Variants in ZNF394 observed in about 807,000 individuals in gnomAD.
The protein encoded by ZNF394 is zinc finger protein 394.
A neutral mutation model predicts 21.8 loss-of-function variants in ZNF394; 19 were observed. The observed-to-expected ratio is 0.87, with a 90% CI of 0.61 to 1.28. The LOEUF (loss-of-function observed/expected upper bound fraction) is 1.28, where lower values mean the gene tolerates loss of function less well. Ranked by LOEUF, ZNF394 falls within the 50% of genes most tolerant of loss-of-function variation. The pLI is 0.00. For synonymous variants in ZNF394, 294 were observed against 273.3 expected, an observed-to-expected ratio of 1.08 and a Z score of -0.75; for missense variants, 683 against 708.6, an observed-to-expected ratio of 0.96 and a Z score of 0.41.
intron 2 of ZNF394, chr7:99,498,449 A>T: frequency 2.9e-6 from 1 of 340,776 alleles, no homozygotes; most frequent in African/African-American, 2.2e-5. Context: ...CCAAGTATTA[A>T]GATCTGATAA....
At chr7:99,488,930 C>CAAAAA (rs1182283444), downstream of ZNF394, among the ~76,000 whole-genome samples, 1 of 51,380 alleles carries the variant, frequency 1.9e-5, no homozygotes, top group Non-Finnish European at 4.0e-5. Flanking sequence ...GACTCCATCT[C>CAAAAA]AAAAAAAAAA....
chr7:99,493,787 C>A lies in ZNF394; in HGVS notation c.1428G>T (p.Lys476Asn). The A allele has an allele frequency of 2.5e-6, 4 of 1,614,180 alleles. No individual in the cohort carries two copies. Among genetic ancestry groups the A allele is most frequent in the Non-Finnish European group, 3.4e-6 (4 of 1,180,038 alleles). ...AGAGGTCAGAGCGCTGTTTGAAGCTCTTCTCGCATTCTTCACACTTATAGG... is the reference window on the plus strand; with the variant it reads ...AGAGGTCAGAGCGCTGTTTGAAGCTATTCTCGCATTCTTCACACTTATAGG... Reference protein sequence around the residue: ...ERPYKCEECEKSFKQRSDLFK... With the variant: ...ERPYKCEECENSFKQRSDLFK... Residue 476 changes from lysine to asparagine, a missense_variant, in exon 3 of 3, where the codon AAG (lysine) becomes AAT (asparagine). This residue lies in a region of ZNF394 where 274 missense variants were observed against 314.1 expected (regional missense o/e 0.87). Transcript: ENST00000337673.
downstream of ZNF394, among the ~76,000 whole-genome samples, chr7:99,490,630 T>G (rs1800142152): frequency 7.5e-6 from 1 of 132,858 alleles, no homozygotes; most frequent in South Asian, 3.6e-4. Flanking sequence ...AGACCTTTTT[T>G]TTTTTTTTTT....
intron 2 of ZNF394, among the ~76,000 whole-genome samples, chr7:99,496,009 C>T (rs1449451518): frequency 6.6e-6 from 1 of 152,146 alleles, no homozygotes; most frequent in African/African-American, 2.4e-5. Flanking sequence ...GCAACCTCCA[C>T]CTCCCAGGTT....
In ZNF394 at chr7:99,499,825, C is replaced by T. The variant is rs1800460161; in HGVS notation, c.269G>A (p.Arg90His). Residue 90 changes from arginine to histidine, a missense_variant, in exon 1 of 3, where the codon CGT (arginine) becomes CAT (histidine). Around this residue, in one of 3 missense-constraint regions of ZNF394, gnomAD observed 402 missense variants for 373.8 expected, o/e 1.08. Coordinates refer to ENST00000337673, the MANE Select transcript of ZNF394 (RefSeq NM_032164.4). ...EALSRLRELC[R>H]RWLRPELLSK... Reference sequence around the variant, plus strand: ...GAGCAGCTCGGGTCTCAGCCACCGACGACAGAGTTCTCGGAGCCGGCTCAG... The same window carrying T: ...GAGCAGCTCGGGTCTCAGCCACCGATGACAGAGTTCTCGGAGCCGGCTCAG... 5.0e-6 allele frequency: 8 copies of T among 1,614,086 alleles called. No individual in the cohort carries two copies. Among genetic ancestry groups the T allele is most frequent in the African/African-American group, 1.3e-5 (1 of 74,946 alleles).
intron 2 of ZNF394, among the ~76,000 whole-genome samples, chr7:99,497,569 T>C (rs556305200): frequency 6.6e-6 from 1 of 152,090 alleles, no homozygotes; most frequent in African/African-American, 2.4e-5. Flanking sequence ...CTATTAATTA[T>C]AACAATATAC....
chr7:99,497,267 C>T (rs539378270), intron 2 of ZNF394, among the ~76,000 whole-genome samples: 1 of 150,642 alleles, frequency 6.6e-6, no homozygotes, highest in East Asian at 2.0e-4. Context: ...CTCCCAGGTT[C>T]AGGTTCACGC....
intron 2 of ZNF394, 83 bp downstream of exon 2, chr7:99,498,633 T>C (rs1197688206): frequency 6.3e-7 from 1 of 1,582,716 alleles, no homozygotes; most frequent in Non-Finnish European, 8.6e-7. Context: ...AGTCTGGGAA[T>C]GGCATAGTGG....
rs1285527600 is a variant in ZNF394, at chr7:99,497,155, T to TATATAA, written c.583+1560_583+1561insTTATAT. 3.5e-3 allele frequency among the ~76,000 whole-genome samples: 467 copies of TATATAA among 132,384 alleles called. 6 individuals are homozygous for TATATAA. Among genetic ancestry groups the TATATAA allele is most frequent in the South Asian group, 0.024 (91 of 3,740 alleles). 86.8% of individuals were successfully genotyped at this position (132,384 alleles called of 152,430 possible). On this transcript the variant is annotated intron_variant, in intron 2 of 2. Transcript: ENST00000337673. ...ATATATATATATGTATATATATATATAAAATGTTTTTTCTTTTTTTTTTGA... is the reference window on the plus strand; with the variant it reads ...ATATATATATATGTATATATATATATATATAAAAAATGTTTTTTCTTTTTTTTTTGA...
chr7:99,490,650 A>C (rs1420618179), downstream of ZNF394, among the ~76,000 whole-genome samples: 3 of 151,266 alleles, frequency 2.0e-5, no homozygotes, highest in Non-Finnish European at 4.4e-5. Flanking sequence ...TTAAAAAAAA[A>C]GATAGTTTGT....
In ZNF394 at chr7:99,493,459, G is replaced by A; in HGVS notation, c.*70C>T. On this transcript the variant is annotated 3_prime_UTR_variant, in exon 3 of 3. Transcript: ENST00000337673. ...TTTAGTAGAGACAGGATTTTACCAT[G>A]TTGGCCAGGCTGGTTTCAAACTCCT... 1 of 1,349,068 alleles carries A rather than the reference G, an allele frequency of 7.4e-7. No individual in the cohort carries two copies. The highest frequency in any genetic ancestry group is 1.4e-5 in the South Asian group (1 of 71,150). The allele number at this position is 1,349,068 out of a possible 1,614,324, so 83.6% of individuals were successfully genotyped here. A position where few individuals can be genotyped will look rare whatever the true frequency, so the allele number is the denominator to read the frequency against.
In ZNF394 at chr7:99,498,809, G is replaced by A; in HGVS notation, c.490C>T (p.Leu164=). 1.2e-6 allele frequency: 2 copies of A among 1,614,018 alleles called. No individual in the cohort carries two copies. The highest frequency in any genetic ancestry group is 8.5e-7 in the Non-Finnish European group (1 of 1,179,970). ...AGGCGCTCCCACTCCTCCCAGGTTA[G>A]AGACACAGCCGTGTCCTCGAAAGTC... is the stretch of plus-strand genomic sequence containing the variant. ...MVTFEDTAVS[L]TWEEWERLDP... The change falls in exon 2 of 3, where the codon CTA becomes TTA. Residue 164 remains leucine (L), a synonymous_variant. Coordinates refer to ENST00000337673, the MANE Select transcript of ZNF394 (RefSeq NM_032164.4).
At chr7:99,488,071 CAAAA>C (rs1180851983) in intron 1 of ZNF394, among the ~76,000 whole-genome samples, 12 of 68,222 alleles carry the variant, frequency 1.8e-4, no homozygotes, top group South Asian at 1.6e-3. Flanking sequence ...GACTCCGTCT[CAAAA>C]AAAAAAAAAA....
downstream of ZNF394, among the ~76,000 whole-genome samples, chr7:99,490,992 T>G (rs1336834942): frequency 6.6e-6 from 1 of 152,100 alleles, no homozygotes; most frequent in Non-Finnish European, 1.5e-5. Flanking sequence ...GCCCTGTGTT[T>G]GTCAGGGGCC....
At chr7:99,489,367 C>A (rs540903654), downstream of ZNF394, among the ~76,000 whole-genome samples, 2 of 152,024 alleles carry the variant, frequency 1.3e-5, no homozygotes, top group African/African-American at 4.8e-5. Flanking sequence ...TCTGGCCTTA[C>A]ACCTTCTGTG....
chr7:99,493,921 G>C lies in ZNF394; in HGVS notation c.1294C>G (p.His432Asp). 1 of 1,614,216 alleles carries C rather than the reference G, an allele frequency of 6.2e-7. No individual in the cohort carries two copies. The highest frequency in any genetic ancestry group is 8.5e-7 in the Non-Finnish European group (1 of 1,180,040). Residue 432 changes from histidine (H) to aspartate (D), a missense_variant, in exon 3 of 3, where the codon CAT becomes GAT. By Grantham distance (81) the His-to-Asp change is moderately conservative (BLOSUM62 -1). Coordinates refer to ENST00000337673, the MANE Select transcript of ZNF394 (RefSeq NM_032164.4). Reference sequence around the variant, plus strand: ...TTGTCTCTACTGTGGGTACTTTGATGACGATTTAGGTGTGAATTCTGCCTG... The same window carrying C: ...TTGTCTCTACTGTGGGTACTTTGATCACGATTTAGGTGTGAATTCTGCCTG... The part of the protein sequence containing the change: ...RFRQNSHLNR[H>D]QSTHSRDKHF...
Position 99,493,413 on chromosome 7 carries a change from TGCCCGGCTCA to T in ZNF394, c.*106_*115del. The stretch of plus-strand genomic sequence containing the variant: ...CTGGGCTTACAGGCATGCACCACCA[TGCCCGGCTCA>T]TTTTTGTATTTTTAGTAGAGACAGG... On this transcript the variant is annotated 3_prime_UTR_variant, in exon 3 of 3. Coordinates refer to ENST00000337673, the MANE Select transcript of ZNF394 (RefSeq NM_032164.4). 9.3e-7 allele frequency: 1 copy of T among 1,074,110 alleles called. No individual in the cohort carries two copies. Among genetic ancestry groups the T allele is most frequent in the East Asian group, 2.6e-5 (1 of 38,992 alleles). 66.5% of individuals were successfully genotyped at this position (1,074,110 alleles called of 1,614,324 possible). A position where few individuals can be genotyped will look rare whatever the true frequency, so the allele number is the denominator to read the frequency against.
exon 2 of ZNF394, chr7:99,486,618 G>T (rs762848296): frequency 1.2e-6 from 2 of 1,614,150 alleles, no homozygotes; most frequent in Admixed American, 3.3e-5. Flanking sequence ...AAGAATTTGT[G>T]GACAGTTGCA....
Position 99,487,088 on chromosome 7 carries a change from C to T in ZNF394, n.84-125G>A, listed in dbSNP as rs775592281. ...TATAAATGTAGCAAATGTGAAAAAA[C>T]GTTTAGTCAGAATTCAACCCTTATT... On this transcript the variant is annotated intron_variant and non_coding_transcript_variant, in intron 1 of 1. Transcript: ENST00000462024. 17 of 1,614,090 alleles carry T rather than the reference C, an allele frequency of 1.1e-5. No individual in the cohort carries two copies. The East Asian group carries it at 3.1e-4, about 30-fold the overall frequency.
Sources: gnomAD v4.1 joint callset for allele counts (sites outside exome capture counted in the v4.1 genomes callset) on GRCh38, gnomAD v4.1.1 for gene constraint, gnomAD v4.1.1 regional missense constraint, MANE v1.5 for transcripts, NCBI Gene and HGNC (gene_info 2026-07-23, HGNC 2026-07-21) for gene names.